The following LNX1 variants were observed in gnomAD, a reference collection of about 807,000 sequenced individuals.
The protein encoded by LNX1 is ligand of numb-protein X 1.
A neutral mutation model predicts 68.4 loss-of-function variants in LNX1; 54 were observed. The observed-to-expected ratio is 0.79, with a 90% CI of 0.63 to 0.99. The LOEUF (loss-of-function observed/expected upper bound fraction) is 0.99. Among genes scored for constraint, LNX1 ranks in the 50% least tolerant of loss-of-function variants. The probability of loss-of-function intolerance (pLI) is 0.00; values close to 1 mark genes in which losing one functional copy is unlikely to be tolerated. For missense variants in LNX1, 906 were observed against 926.4 expected (o/e 0.98, Z 0.29); for synonymous variants, 336 against 350.0 (o/e 0.96, Z 0.45).
At position 53,507,321 on chromosome 4, in the gene LNX1, A is replaced by T. The variant is rs1353065994; in HGVS notation, c.771T>A (p.Pro257=). 4 of 1,613,856 alleles carry T rather than the reference A, an allele frequency of 2.5e-6. No homozygotes were observed. Among genetic ancestry groups the T allele is most frequent in the Non-Finnish European group, 3.4e-6 (4 of 1,179,956 alleles). Residue 257 remains proline, a synonymous_variant, in exon 4 of 11, where the codon CCT becomes CCA. Coordinates refer to ENST00000263925, the MANE Select transcript of LNX1 (RefSeq NM_001126328.3). ...GRENSENTTA[P]EVFPRLYHLI... is the part of the protein sequence containing the mutation. ...CCTTATGGGGAGTTCATTTACCTTC[A>T]GGGGCAGTGGTGTTTTCAGAATTTT...
At chr4:53,471,879 A>C (rs544755201) in intron 9 of LNX1, among the ~76,000 whole-genome samples, 2 of 152,326 alleles carry the variant, frequency 1.3e-5, no homozygotes, top group East Asian at 3.9e-4. Flanking sequence ...ACACTTTTAC[A>C]CTGTTGGTGG....
chr4:53,591,224 A>G (rs1308426777), intron 1 of LNX1, among the ~76,000 whole-genome samples, 164 bp downstream of exon 1: 4 of 152,178 alleles, frequency 2.6e-5, no homozygotes, highest in Non-Finnish European at 5.9e-5. Context: ...TAGAATGTCA[A>G]AGTCATCTCT....
intron 2 of LNX1, chr4:53,616,441 C>T (rs953512174): frequency 1.3e-5 from 2 of 152,126 alleles, no homozygotes; most frequent in African/African-American, 2.4e-5. Flanking sequence ...TCATGTGACA[C>T]CTGCTGCTGC....
upstream of LNX1, among the ~76,000 whole-genome samples, chr4:53,592,168 TAG>T (rs1286294635): frequency 2.0e-5 from 3 of 151,988 alleles, no homozygotes; most frequent in East Asian, 1.9e-4. Context: ...GCTTGGCAGT[TAG>T]AGTCATACGG....
intron 9 of LNX1, among the ~76,000 whole-genome samples, chr4:53,468,098 C>G (rs1175724625): frequency 6.6e-6 from 1 of 152,172 alleles, no homozygotes; most frequent in Non-Finnish European, 1.5e-5. Flanking sequence ...AGAGAAAGGT[C>G]GGGTTACCCA....
chr4:53,463,511 C>T lies in LNX1; in HGVS notation c.1893-1918G>A, dbSNP rs74628866. On this transcript the variant is annotated intron_variant, in intron 9 of 10. Coordinates refer to ENST00000263925, the MANE Select transcript of LNX1 (RefSeq NM_001126328.3). Reference sequence around the variant, plus strand: ...ATTTTTTTCTTAAGTTGGGTTATTTCACTCCCCACTGGGAAATGTGGCAGC... The same window carrying T: ...ATTTTTTTCTTAAGTTGGGTTATTTTACTCCCCACTGGGAAATGTGGCAGC... Among the ~76,000 whole-genome samples the T allele has an allele frequency of 9.4e-3, 1,434 of 152,138 alleles. 21 individuals are homozygous for T. Among genetic ancestry groups the T allele is most frequent in the African/African-American group, 0.033 (1,369 of 41,534 alleles).
chr4:53,531,692 G>A (rs767799066), intron 2 of LNX1, among the ~76,000 whole-genome samples: 41 of 152,310 alleles, frequency 2.7e-4, no homozygotes, highest in Non-Finnish European at 4.6e-4. Context: ...AGGATTAAAC[G>A]TGAGACTGAA....
intron 2 of LNX1, among the ~76,000 whole-genome samples, chr4:53,557,674 CATCTGTTAAT>C (rs1730012200): frequency 6.6e-6 from 1 of 151,044 alleles, no homozygotes; most frequent in African/African-American, 2.4e-5. Context: ...GAAAGTACTG[CATCTGTTAAT>C]ATGGGGCTTT....
intron 2 of LNX1, among the ~76,000 whole-genome samples, chr4:53,522,031 G>A (rs138717214): frequency 3.4e-3 from 516 of 152,210 alleles, no homozygotes; most frequent in African/African-American, 0.012. Context: ...CTAGGCACAA[G>A]CAATCCTTCC....
upstream of LNX1, among the ~76,000 whole-genome samples, chr4:53,620,457 C>T (rs1461452007): frequency 6.6e-6 from 1 of 152,146 alleles, no homozygotes; most frequent in Non-Finnish European, 1.5e-5. Flanking sequence ...TAATCTAGAG[C>T]AAACATATAA....
At chr4:53,602,193 C>G (rs535357730) in intron 2 of LNX1, among the ~76,000 whole-genome samples, 3 of 152,228 alleles carry the variant, frequency 2.0e-5, no homozygotes, top group African/African-American at 7.2e-5. Flanking sequence ...GGGATGGATC[C>G]AAATCTGTGA....
At chr4:53,548,972 C>A (rs1236317506) in intron 2 of LNX1, among the ~76,000 whole-genome samples, 1 of 152,164 alleles carries the variant, frequency 6.6e-6, no homozygotes, top group Non-Finnish European at 1.5e-5. Context: ...ATGGTAAGAA[C>A]TTCTGAACAC....
intron 2 of LNX1, among the ~76,000 whole-genome samples, chr4:53,605,125 G>C (rs1399245535): frequency 6.6e-6 from 1 of 152,092 alleles, no homozygotes; most frequent in Non-Finnish European, 1.5e-5. Flanking sequence ...GAGTTACAAG[G>C]CCCACCCAGA....
chr4:53,610,578 G>A (rs1322976778), intron 2 of LNX1, among the ~76,000 whole-genome samples: 2 of 151,742 alleles, frequency 1.3e-5, no homozygotes, highest in African/African-American at 4.8e-5. Context: ...CGTGGTGGTG[G>A]GCACCTGTAG....
chr4:53,565,878 A>G (rs1577723153), intron 2 of LNX1, among the ~76,000 whole-genome samples: 1 of 152,346 alleles, frequency 6.6e-6, no homozygotes, highest in Non-Finnish European at 1.5e-5. Flanking sequence ...CGACGTGATC[A>G]ACTGGAAGAA....
chr4:53,632,903 C>T (rs532328961), intron 1 of LNX1, among the ~76,000 whole-genome samples: 5 of 152,342 alleles, frequency 3.3e-5, no homozygotes, highest in Admixed American at 3.3e-4. Flanking sequence ...TACTCCCCTC[C>T]TCCTGATTAC....
intron 1 of LNX1, among the ~76,000 whole-genome samples, chr4:53,582,595 C>T (rs887722207): frequency 3.3e-5 from 5 of 152,224 alleles, no homozygotes; most frequent in African/African-American, 1.2e-4. Context: ...ATATTTTACT[C>T]CCTTCAGCCA....
chr4:53,637,674 A>G (rs1734532565), intron 1 of LNX1, among the ~76,000 whole-genome samples: 3 of 152,310 alleles, frequency 2.0e-5, no homozygotes, highest in Non-Finnish European at 4.4e-5. Flanking sequence ...CAGAAAGAAA[A>G]CAGAATACTG....
intron 6 of LNX1, among the ~76,000 whole-genome samples, chr4:53,486,473 T>C (rs1168933972): frequency 6.6e-6 from 1 of 152,170 alleles, no homozygotes; most frequent in African/African-American, 2.4e-5. Flanking sequence ...GGCAGCCTCC[T>C]GACAAGCACT....
Sources: gnomAD v4.1 joint callset for allele counts (sites outside exome capture counted in the v4.1 genomes callset) on GRCh38, gnomAD v4.1.1 for gene constraint, MANE v1.5 for transcripts, NCBI Gene and HGNC (gene_info 2026-07-23, HGNC 2026-07-21) for gene names.